The following OLFM4 variants were observed in gnomAD, a reference collection of about 807,000 sequenced individuals.
OLFM4 encodes the protein olfactomedin-4.
A neutral mutation model predicts 25.5 loss-of-function variants in OLFM4; 22 were observed. The ratio of observed to expected loss-of-function variants is 0.86; its 90% CI spans 0.62 to 1.23. The LOEUF (loss-of-function observed/expected upper bound fraction) is 1.23, where lower values mean the gene tolerates loss of function less well. OLFM4 is among the 50% of genes most tolerant of loss of function. The probability of loss-of-function intolerance (pLI) is 0.00; values close to 1 mark genes in which losing one functional copy is unlikely to be tolerated. For synonymous variants in OLFM4, 255 were observed against 237.7 expected, an observed-to-expected ratio of 1.07 and a Z score of -0.67; for missense variants, 594 against 619.4, an observed-to-expected ratio of 0.96 and a Z score of 0.44.
At position 53,050,603 on chromosome 13, in the gene OLFM4, C is replaced by T. The variant is rs755317108; in HGVS notation, c.1365C>T (p.Tyr455=). ...ACACCAGAACAGAAGAGATTTTTTA[C>T]TATTATGACACAAACACAGGGAAAG... ...TMNTRTEEIF[Y]YYDTNTGKEG... is the part of the protein sequence containing the mutation. The change falls in exon 5 of 5, where the codon TAC becomes TAT. Residue 455 remains tyrosine, a synonymous_variant. Transcript: ENST00000219022. 1 of 1,613,926 alleles carries T rather than the reference C, an allele frequency of 6.2e-7. No individual in the cohort carries two copies. The highest frequency in any genetic ancestry group is 8.5e-7 in the Non-Finnish European group (1 of 1,179,956).
At chr13:53,042,156 A>T in intron 3 of OLFM4, 34 bp downstream of exon 3, 1 of 1,576,376 alleles carries the variant, frequency 6.3e-7, no homozygotes, top group African/African-American at 1.3e-5. Context: ...GTAAATTAAT[A>T]ATAAACTCCC....
rs139228260 is a variant in OLFM4 at position 53,049,978 on chromosome 13, G to A, written c.740G>A (p.Gly247Asp). Residue 247 changes from glycine (G) to aspartate (D), a missense_variant, in exon 5 of 5, where the codon GGT becomes GAT. Transcript: ENST00000219022. ...TTTCTTGTTTGTATAGGGAGCTGTG[G>A]TCATGGTGGTGTGGTGAACATCAGC... Reference protein sequence around the residue: ...VHPPPTPGSCGHGGVVNISKP... With the variant: ...VHPPPTPGSCDHGGVVNISKP... The A allele has an allele frequency of 1.9e-6, 3 of 1,605,620 alleles. No homozygotes were observed. Among genetic ancestry groups the A allele is most frequent in the South Asian group, 2.2e-5 (2 of 90,830 alleles).
intron 4 of OLFM4, among the ~76,000 whole-genome samples, chr13:53,047,804 A>G (rs1021356875): frequency 2.6e-5 from 4 of 152,194 alleles, no homozygotes; most frequent in Admixed American, 1.3e-4. Context: ...TGGTTCCTTC[A>G]TGTCTAAAAA....
At position 53,050,219 on chromosome 13, in the gene OLFM4, A is replaced by C. The variant is rs1954739116; in HGVS notation, c.981A>C (p.Gln327His). 9.9e-6 allele frequency: 16 copies of C among 1,613,948 alleles called. No individual in the cohort carries two copies. Among genetic ancestry groups the C allele is most frequent in the Non-Finnish European group, 1.4e-5 (16 of 1,179,966 alleles). ...NARELRITYGQGSGTAVYNNN... is the reference protein window; with the variant it reads ...NARELRITYGHGSGTAVYNNN... The stretch of plus-strand genomic sequence containing the variant: ...GAGAGTTGCGGATCACCTATGGCCA[A>C]GGTAGTGGTACAGCAGTTTACAACA... Residue 327 changes from glutamine to histidine, a missense_variant, in exon 5 of 5, where the codon CAA becomes CAC. Coordinates refer to ENST00000219022, the MANE Select transcript of OLFM4 (RefSeq NM_006418.5).
At chr13:53,041,721 T>C (rs1210640291) in intron 2 of OLFM4, among the ~76,000 whole-genome samples, 189 bp from the exon 3 acceptor site, 3 of 152,216 alleles carry the variant, frequency 2.0e-5, no homozygotes, top group East Asian at 1.9e-4. Flanking sequence ...CTCCCTTCAA[T>C]TGGAGTAATA....
chr13:53,042,943 T>A (rs999096929), intron 3 of OLFM4, among the ~76,000 whole-genome samples, 162 bp from the exon 4 acceptor site: 4 of 152,338 alleles, frequency 2.6e-5, no homozygotes, highest in Non-Finnish European at 4.4e-5. Context: ...TGACAGGCAT[T>A]CATGCTAAAC....
intron 1 of OLFM4, among the ~76,000 whole-genome samples, chr13:53,033,563 T>A (rs750414578): frequency 3.9e-5 from 6 of 152,212 alleles, no homozygotes; most frequent in Non-Finnish European, 8.8e-5. Context: ...GATCACCTAC[T>A]CTGTGCCAGG....
intron 4 of OLFM4, among the ~76,000 whole-genome samples, chr13:53,044,901 C>T (rs1954707612): frequency 6.6e-6 from 1 of 152,204 alleles, no homozygotes; most frequent in Admixed American, 6.5e-5. Context: ...TGCAAATCCT[C>T]CTCATGGAAT....
chr13:53,041,772 T>C, intron 2 of OLFM4, 138 bp from the exon 3 acceptor site: 1 of 614,444 alleles, frequency 1.6e-6, no homozygotes, highest in Non-Finnish European at 2.9e-6. Context: ...TCTAGTTAAA[T>C]GTATTTTTGA....
At chr13:53,029,912 G>A (rs1302385974) in intron 1 of OLFM4, among the ~76,000 whole-genome samples, 10 of 152,154 alleles carry the variant, frequency 6.6e-5, no homozygotes, top group Non-Finnish European at 1.3e-4. Context: ...AGGTTAGGAG[G>A]TAAGAAGCAG....
Position 53,050,336 on chromosome 13 carries a change from T to C in OLFM4, c.1098T>C (p.Asn366=), listed in dbSNP as rs1281445344. ...TTGCTGTGACTCAAACTCTCCCTAA[T>C]GCTGCCTATAATAACCGCTTTTCAT... ...NTIAVTQTLP[N]AAYNNRFSYA... The change falls in exon 5 of 5, where the codon AAT becomes AAC. Residue 366 remains asparagine, a synonymous_variant. Transcript: ENST00000219022. The C allele has an allele frequency of 3.1e-6, 5 of 1,613,972 alleles. No individual in the cohort carries two copies. Among genetic ancestry groups the C allele is most frequent in the African/African-American group, 1.3e-5 (1 of 74,912 alleles).
At chr13:53,037,304 T>A (rs1453113236) in intron 2 of OLFM4, among the ~76,000 whole-genome samples, 1 of 152,224 alleles carries the variant, frequency 6.6e-6, no homozygotes, top group Non-Finnish European at 1.5e-5. Flanking sequence ...AGCTCAGGAT[T>A]TTCTCTTTCT....
At chr13:53,045,681 C>T (rs1038403433) in intron 4 of OLFM4, among the ~76,000 whole-genome samples, 4 of 152,102 alleles carry the variant, frequency 2.6e-5, no homozygotes, top group Non-Finnish European at 5.9e-5. Flanking sequence ...CTCTGGGCCC[C>T]CTCCCTTATA....
chr13:53,032,917 G>GTGTACC (rs1954636799), intron 1 of OLFM4, among the ~76,000 whole-genome samples: 1 of 152,136 alleles, frequency 6.6e-6, no homozygotes, highest in African/African-American at 2.4e-5. Flanking sequence ...GCAGCTGGCT[G>GTGTACC]ACCTGAACTT....
At chr13:53,032,611 C>T (rs1954635004) in intron 1 of OLFM4, among the ~76,000 whole-genome samples, 2 of 152,046 alleles carry the variant, frequency 1.3e-5, no homozygotes, top group South Asian at 4.1e-4. Flanking sequence ...CTTGTTTCTC[C>T]TCCCTACTCC....
chr13:53,032,119 A>G (rs1954632319), intron 1 of OLFM4, among the ~76,000 whole-genome samples: 1 of 152,200 alleles, frequency 6.6e-6, no homozygotes, highest in African/African-American at 2.4e-5. Flanking sequence ...GTTCAATAGA[A>G]ACCGATGGAA....
At chr13:53,029,162 G>C (rs1954614876) in intron 1 of OLFM4, 122 bp downstream of exon 1, 1 of 1,406,632 alleles carries the variant, frequency 7.1e-7, no homozygotes, top group East Asian at 2.3e-5. Flanking sequence ...GACTCATTTT[G>C]TTAACTATAG....
intron 1 of OLFM4, 110 bp from the exon 2 acceptor site, chr13:53,034,238 C>G: frequency 2.1e-6 from 2 of 962,318 alleles, no homozygotes; most frequent in Non-Finnish European, 3.2e-6. Context: ...ATGTATTGGA[C>G]TCCACTTACT....
chr13:53,050,417 G>T lies in OLFM4; in HGVS notation c.1179G>T (p.Trp393Cys), dbSNP rs1187192750. Reference protein sequence around the residue: ...IDFAVDENGLWVIYSTEASTG... With the variant: ...IDFAVDENGLCVIYSTEASTG... ...TTGCTGTGGATGAGAATGGATTGTGGGTTATTTATTCAACTGAAGCCAGCA... is the reference window on the plus strand; with the variant it reads ...TTGCTGTGGATGAGAATGGATTGTGTGTTATTTATTCAACTGAAGCCAGCA... Residue 393 changes from tryptophan (W) to cysteine (C), a missense_variant, in exon 5 of 5, where the codon TGG becomes TGT. Transcript: ENST00000219022. 2 of 1,614,008 alleles carry T rather than the reference G, an allele frequency of 1.2e-6. No homozygotes were observed. The highest frequency in any genetic ancestry group is 2.2e-5 in the South Asian group (2 of 91,078).
Sources: allele counts gnomAD v4.1 joint callset (sites outside exome capture counted in the v4.1 genomes callset), GRCh38; gene constraint gnomAD v4.1.1; transcripts MANE v1.5; gene names NCBI Gene and HGNC (gene_info 2026-07-23, HGNC 2026-07-21).